Variants in IGHMBP2 observed in about 807,000 individuals in gnomAD.
IGHMBP2 encodes the protein immunoglobulin mu DNA binding protein 2.
In IGHMBP2, 81 loss-of-function variants were observed where a neutral mutation model predicts 96.0. The ratio of observed to expected loss-of-function variants is 0.84; its 90% CI spans 0.71 to 1.01. The LOEUF is 1.01. IGHMBP2 is among the 50% of genes least tolerant of loss of function. IGHMBP2 has a pLI of 0.00. For synonymous variants in IGHMBP2, 557 were observed against 548.9 expected (o/e 1.01, Z -0.21); for missense variants, 1,227 against 1,306.3 (o/e 0.94, Z 0.94).
chr11:68,909,600 G>A (rs1858351355), intron 4 of IGHMBP2, among the ~76,000 whole-genome samples: 1 of 151,072 alleles, frequency 6.6e-6, no homozygotes, highest in Non-Finnish European at 1.5e-5. Context: ...CATACTTTAT[G>A]CTTGATAGCA....
rs527261546 is a variant in IGHMBP2 at position 68,923,392 on chromosome 11, G to A, written c.1060+5509G>A. 4.8e-3 allele frequency among the ~76,000 whole-genome samples: 724 copies of A among 152,034 alleles called. 4 individuals carry two copies. Among genetic ancestry groups the A allele is most frequent in the African/African-American group, 0.017 (688 of 41,450 alleles). The stretch of plus-strand genomic sequence containing the variant: ...TAATTTTTGTATTTTTAGTAGAGGC[G>A]AGGTTTCACCATGTTGGCCAGGCTG... On this transcript the variant is annotated intron_variant, in intron 7 of 14. Transcript: ENST00000255078.
intron 2 of IGHMBP2, 162 bp downstream of exon 2, chr11:68,906,400 C>G: frequency 2.5e-6 from 2 of 806,992 alleles, no homozygotes; most frequent in Admixed American, 2.0e-5. Flanking sequence ...TTTTAGTTGT[C>G]TAGATCAGCG....
intron 8 of IGHMBP2, among the ~76,000 whole-genome samples, chr11:68,932,047 C>T (rs551620186): frequency 7.1e-6 from 1 of 140,022 alleles, no homozygotes; most frequent in South Asian, 2.3e-4. Context: ...GTGGCATTCC[C>T]TGGAGACAGT....
chr11:68,931,050 G>A (rs906375632), intron 8 of IGHMBP2, among the ~76,000 whole-genome samples: 1 of 152,218 alleles, frequency 6.6e-6, no homozygotes, highest in Non-Finnish European at 1.5e-5. Flanking sequence ...CTGGTCCACA[G>A]GACTGGCAGC....
chr11:68,930,652 C>T (rs1214942059), intron 8 of IGHMBP2: 3 of 302,328 alleles, frequency 9.9e-6, no homozygotes, highest in Non-Finnish European at 9.7e-6. Flanking sequence ...GCACCTTTGC[C>T]TCAGTTCTTG....
At chr11:68,911,955 C>T (rs1182546138) in intron 5 of IGHMBP2, among the ~76,000 whole-genome samples, 1 of 152,202 alleles carries the variant, frequency 6.6e-6, no homozygotes, top group Non-Finnish European at 1.5e-5. Context: ...TGGAGTTGGC[C>T]TGGGCCCGGT....
At chr11:68,919,892 C>T (rs1370636155) in intron 7 of IGHMBP2, among the ~76,000 whole-genome samples, 1 of 152,124 alleles carries the variant, frequency 6.6e-6, no homozygotes, top group Non-Finnish European at 1.5e-5. Flanking sequence ...AGCATTTCAG[C>T]TTGCTTTTCT....
intron 7 of IGHMBP2, among the ~76,000 whole-genome samples, chr11:68,928,388 AT>A (rs1372404778): frequency 2.6e-5 from 4 of 152,206 alleles, no homozygotes; most frequent in Non-Finnish European, 5.9e-5. Context: ...TTTTCTAGCC[AT>A]CTCTGAAGAG....
At chr11:68,910,217 C>T (rs1044400507) in intron 4 of IGHMBP2, among the ~76,000 whole-genome samples, 4 of 152,344 alleles carry the variant, frequency 2.6e-5, no homozygotes, top group East Asian at 1.9e-4. Context: ...TTTAAATACT[C>T]ATTTTCTTTC....
chr11:68,934,399 T>G, intron 10 of IGHMBP2, 65 bp from the exon 11 acceptor site: 1 of 1,114,734 alleles, frequency 9.0e-7, no homozygotes, highest in African/African-American at 1.5e-5. Flanking sequence ...CCGAAACACG[T>G]GTTGGTGGTG....
chr11:68,934,950 C>A (rs1009939686), intron 11 of IGHMBP2, among the ~76,000 whole-genome samples: 7 of 152,220 alleles, frequency 4.6e-5, no homozygotes, highest in Admixed American at 2.6e-4. Flanking sequence ...TGTTCCCATG[C>A]GTATCTCATT....
Position 68,939,634 on chromosome 11 carries a change from A to T in IGHMBP2, c.2885A>T (p.Asp962Val), listed in dbSNP as rs1209952547. 1 of 1,613,426 alleles carries T rather than the reference A, an allele frequency of 6.2e-7. No homozygotes were observed. The highest frequency in any genetic ancestry group is 8.5e-7 in the Non-Finnish European group (1 of 1,179,976). The change falls in exon 15 of 15, where the codon GAC becomes GTC. Residue 962 changes from aspartate to valine, a missense_variant. Asp to Val is a radical substitution (Grantham distance 152, BLOSUM62 -3). Coordinates refer to ENST00000255078, the MANE Select transcript of IGHMBP2 (RefSeq NM_002180.3). Reference protein sequence around the residue: ...AGSGTKNGSLDPAKRAQLQRR... With the variant: ...AGSGTKNGSLVPAKRAQLQRR... Reference sequence around the variant, plus strand: ...AGCGGGACCAAGAACGGATCCCTGGACCCAGCCAAGAGGGCCCAGCTGCAG... The same window carrying T: ...AGCGGGACCAAGAACGGATCCCTGGTCCCAGCCAAGAGGGCCCAGCTGCAG...
At chr11:68,937,469 G>A (rs1030032673) in intron 13 of IGHMBP2, among the ~76,000 whole-genome samples, 2 of 152,266 alleles carry the variant, frequency 1.3e-5, no homozygotes, top group Non-Finnish European at 2.9e-5. Context: ...CTTGCACAGC[G>A]AAAGGGTGCA....
intron 7 of IGHMBP2, among the ~76,000 whole-genome samples, chr11:68,918,597 G>A (rs759800949): frequency 6.6e-6 from 1 of 151,894 alleles, no homozygotes; most frequent in Non-Finnish European, 1.5e-5. Context: ...AACCAAGATC[G>A]CGCCACTGCA....
chr11:68,940,014 C>T lies in IGHMBP2; in HGVS notation c.*283C>T, dbSNP rs920698032. On this transcript the variant is annotated 3_prime_UTR_variant, in exon 15 of 15. Coordinates refer to ENST00000255078, the MANE Select transcript of IGHMBP2 (RefSeq NM_002180.3). Reference sequence around the variant, plus strand: ...TCCCCGCCAAAACCCACATCCCAGCCTCTGGATCCTGGGGAAGGTTCCAGT... The same window carrying T: ...TCCCCGCCAAAACCCACATCCCAGCTTCTGGATCCTGGGGAAGGTTCCAGT... The T allele has an allele frequency of 2.1e-6, 1 of 473,858 alleles. No individual in the cohort carries two copies. Among genetic ancestry groups the T allele is most frequent in the Non-Finnish European group, 3.8e-6 (1 of 263,366 alleles). 29.4% of individuals were successfully genotyped at this position (473,858 alleles called of 1,614,324 possible).
At chr11:68,934,353 T>C in intron 10 of IGHMBP2, 111 bp from the exon 11 acceptor site, 1 of 778,598 alleles carries the variant, frequency 1.3e-6, no homozygotes, top group South Asian at 1.5e-5. Context: ...GCCACCTGAG[T>C]GGAGGATCAG....
chr11:68,919,233 CCTCTCCTCTCCTCTCCTCTCTTCTT>C (rs1858789079), intron 7 of IGHMBP2, among the ~76,000 whole-genome samples: 1 of 14,468 alleles, frequency 6.9e-5, no homozygotes, highest in Non-Finnish European at 4.0e-4. Context: ...CTGTGTTGCT[CCTCTCCTCTCCTCTCCTCTCTTCTT>C]CTCTCCTCTC....
intron 9 of IGHMBP2, 24 bp from the exon 10 acceptor site, chr11:68,933,771 G>A (rs2154008637): frequency 6.4e-7 from 1 of 1,572,218 alleles, no homozygotes. Context: ...CCCCTGATGT[G>A]CTCCCTCTCT....
chr11:68,933,895 C>G lies in IGHMBP2; in HGVS notation c.1519C>G (p.Gln507Glu). 1 of 1,595,880 alleles carries G rather than the reference C, an allele frequency of 6.3e-7. No individual in the cohort carries two copies. Residue 507 changes from glutamine (Q) to glutamate (E), a missense_variant, in exon 10 of 15, where the codon CAG (glutamine) becomes GAG (glutamate). This residue lies in a region of IGHMBP2 where 703 missense variants were observed against 770.3 expected (regional missense o/e 0.91). Coordinates refer to ENST00000255078, the MANE Select transcript of IGHMBP2 (RefSeq NM_002180.3). ...GTTTGAGCTGGAGGAGGAGGACGAACAGTCGAAAGGGAACCCTGGTGAGCT... is the reference window on the plus strand; with the variant it reads ...GTTTGAGCTGGAGGAGGAGGACGAAGAGTCGAAAGGGAACCCTGGTGAGCT... Reference protein sequence around the residue: ...GLFELEEEDEQSKGNPGEVRL... With the variant: ...GLFELEEEDEESKGNPGEVRL...
Sources: allele counts gnomAD v4.1 joint callset (sites outside exome capture counted in the v4.1 genomes callset), GRCh38; gene constraint gnomAD v4.1.1; regional missense constraint gnomAD v4.1.1; transcripts MANE v1.5; gene names NCBI Gene and HGNC (gene_info 2026-07-23, HGNC 2026-07-21).